The following PAX5 variants were observed in gnomAD, a reference collection of about 807,000 sequenced individuals.
The protein encoded by PAX5 is paired box 5.
In PAX5, 9 loss-of-function variants were observed where a neutral mutation model predicts 43.7. The ratio of observed to expected loss-of-function variants is 0.21; its 90% CI spans 0.12 to 0.36. The LOEUF (loss-of-function observed/expected upper bound fraction) is 0.36. Among genes scored for constraint, PAX5 ranks in the 10% least tolerant of loss-of-function variants. PAX5 has a pLI of 1.00. For missense variants in PAX5, 383 were observed against 532.7 expected (o/e 0.72, Z 2.77); for synonymous variants, 228 against 214.3 (o/e 1.06, Z -0.56).
At chr9:36,849,261 C>A (rs955315948) in intron 8 of PAX5, among the ~76,000 whole-genome samples, 1 of 152,252 alleles carries the variant, frequency 6.6e-6, no homozygotes, top group Admixed American at 6.5e-5. Context: ...CTCTCTGTAG[C>A]ATGGGGAAGC....
chr9:36,915,375 C>T (rs910992757), intron 7 of PAX5, among the ~76,000 whole-genome samples: 13 of 152,160 alleles, frequency 8.5e-5, no homozygotes, highest in Admixed American at 2.0e-4. Context: ...CAACACTGAA[C>T]TTTAATCTTT....
chr9:36,987,087 A>C (rs916669315), intron 5 of PAX5, among the ~76,000 whole-genome samples: 2 of 152,188 alleles, frequency 1.3e-5, no homozygotes, highest in Non-Finnish European at 2.9e-5. Context: ...CGACTTCTAC[A>C]GAGGAGCGAA....
intron 5 of PAX5, among the ~76,000 whole-genome samples, chr9:36,973,090 GAAA>G (rs1835078423): frequency 1.2e-5 from 1 of 80,972 alleles, no homozygotes; most frequent in African/African-American, 5.4e-5. Flanking sequence ...GAACGGAAAG[GAAA>G]GGAAAGGAAA....
intron 1 of PAX5, among the ~76,000 whole-genome samples, chr9:37,023,017 G>C (rs1458724119): frequency 6.6e-6 from 1 of 152,110 alleles, no homozygotes; most frequent in East Asian, 1.9e-4. Context: ...TCTGGAATTG[G>C]TAAGAAGTGA....
At position 36,839,287 on chromosome 9, in the gene PAX5, C is replaced by T. The variant is rs1045702696; in HGVS notation, c.*1273G>A. ...AAGCTCCCTCTCCAAGTTCCCGTGG[C>T]CCTTGGCCGTGGCCCTGACCATCGC... On this transcript the variant is annotated 3_prime_UTR_variant, in exon 10 of 10. Transcript: ENST00000358127. The T allele has an allele frequency of 4.3e-6, 1 of 233,476 alleles. No homozygotes were observed. Among genetic ancestry groups the T allele is most frequent in the Non-Finnish European group, 8.5e-6 (1 of 118,248 alleles). 14.5% of individuals were successfully genotyped at this position (233,476 alleles called of 1,614,324 possible). A position where few individuals can be genotyped will look rare whatever the true frequency, so the allele number is the denominator to read the frequency against.
At chr9:36,848,583 G>A (rs1822830691) in intron 8 of PAX5, among the ~76,000 whole-genome samples, 1 of 152,180 alleles carries the variant, frequency 6.6e-6, no homozygotes, top group African/African-American at 2.4e-5. Context: ...CTCAGGTGGG[G>A]GAGTAGAGAC....
intron 6 of PAX5, among the ~76,000 whole-genome samples, chr9:36,928,969 C>T (rs775613486): frequency 1.2e-4 from 18 of 152,180 alleles, no homozygotes; most frequent in Non-Finnish European, 2.5e-4. Context: ...CACTGGAAAC[C>T]ACTGCATGTC....
intron 6 of PAX5, among the ~76,000 whole-genome samples, chr9:36,936,209 C>A (rs1831540514): frequency 6.6e-6 from 1 of 152,208 alleles, no homozygotes; most frequent in Admixed American, 6.5e-5. Context: ...AACTGGGACC[C>A]AGTGGCCCAG....
chr9:36,896,555 C>A (rs1316636393), intron 7 of PAX5, among the ~76,000 whole-genome samples: 1 of 152,130 alleles, frequency 6.6e-6, no homozygotes, highest in African/African-American at 2.4e-5. Flanking sequence ...TGCAGGCTAC[C>A]AAAGTGCCAG....
intron 6 of PAX5, among the ~76,000 whole-genome samples, chr9:36,933,897 G>A (rs184134204): frequency 5.4e-5 from 8 of 147,054 alleles, no homozygotes. Flanking sequence ...TGTCATGAGG[G>A]AGATGGACCA....
chr9:36,842,952 G>A (rs569693979), intron 9 of PAX5, among the ~76,000 whole-genome samples: 52 of 152,308 alleles, frequency 3.4e-4, no homozygotes, highest in Non-Finnish European at 4.4e-5. Context: ...CAGGTTGGAC[G>A]AGGTGTGGGC....
At chr9:36,976,189 C>T (rs1236303791) in intron 5 of PAX5, among the ~76,000 whole-genome samples, 2 of 152,204 alleles carry the variant, frequency 1.3e-5, no homozygotes, top group Non-Finnish European at 2.9e-5. Context: ...CTCAGTTGAG[C>T]TCTAAGCTCC....
rs368389093 is a variant in PAX5, at chr9:37,001,880, CT to C, written c.604+767del. On this transcript the variant is annotated intron_variant, in intron 5 of 9. Coordinates refer to ENST00000358127, the MANE Select transcript of PAX5 (RefSeq NM_016734.3). ...ACAGGCTCCCAGGGGGTCTTTTCTC[CT>C]CTCAAACCCATTAATGTCAGCCAGT... is the stretch of plus-strand genomic sequence containing the variant. 4.8e-4 allele frequency among the ~76,000 whole-genome samples: 65 copies of C among 136,788 alleles called. No individual in the cohort carries two copies. In the South Asian group the frequency reaches 0.015, roughly 32 times the overall value. 89.7% of individuals were successfully genotyped at this position (136,788 alleles called of 152,430 possible).
At position 36,850,296 on chromosome 9, in the gene PAX5, A is replaced by C. The variant is rs912648414; in HGVS notation, c.1013-3367T>G. The stretch of plus-strand genomic sequence containing the variant: ...CAGAATCTGGAGGACAGGCTGGAGG[A>C]GGACAGCTTGCAGTCAGGGGGCCCC... On this transcript the variant is annotated intron_variant, in intron 8 of 9. Coordinates refer to ENST00000358127, the MANE Select transcript of PAX5 (RefSeq NM_016734.3). Among the ~76,000 whole-genome samples, 33 of 152,324 alleles carry C rather than the reference A, an allele frequency of 2.2e-4. 1 individual carries two copies. Among genetic ancestry groups the C allele is most frequent in the Middle Eastern group, 3.4e-3 (1 of 294 alleles).
chr9:37,005,896 C>A (rs533615046), intron 4 of PAX5, among the ~76,000 whole-genome samples: 28 of 152,292 alleles, frequency 1.8e-4, no homozygotes, highest in Admixed American at 1.6e-3. Flanking sequence ...GGAAGTATGA[C>A]TCCCACTCTG....
At chr9:36,948,216 C>T (rs1045722264) in intron 6 of PAX5, among the ~76,000 whole-genome samples, 3 of 152,244 alleles carry the variant, frequency 2.0e-5, no homozygotes, top group African/African-American at 7.2e-5. Context: ...GACTCCAGAG[C>T]TCTGGCTCTT....
intron 1 of PAX5, chr9:37,026,505 G>A (rs975387204): frequency 7.6e-7 from 1 of 1,320,920 alleles, no homozygotes; most frequent in African/African-American, 1.5e-5. Context: ...GCGGGAGAGT[G>A]AGAGAAGCGA....
At chr9:36,888,540 G>C (rs1827096907) in intron 7 of PAX5, among the ~76,000 whole-genome samples, 1 of 152,208 alleles carries the variant, frequency 6.6e-6, no homozygotes, top group Admixed American at 6.5e-5. Flanking sequence ...TGTATTGTGT[G>C]AATATATTCA....
chr9:36,851,556 G>A (rs1043019269), intron 8 of PAX5, among the ~76,000 whole-genome samples: 4 of 152,202 alleles, frequency 2.6e-5, no homozygotes, highest in African/African-American at 7.2e-5. Context: ...CCTCCACCTG[G>A]AAATGGGGCA....
Sources: gnomAD v4.1 joint callset for allele counts (sites outside exome capture counted in the v4.1 genomes callset) on GRCh38, gnomAD v4.1.1 for gene constraint, MANE v1.5 for transcripts, NCBI Gene and HGNC (gene_info 2026-07-23, HGNC 2026-07-21) for gene names.